VAPB: variants seen among roughly 807,000 people sequenced by gnomAD.
VAPB encodes the protein VAMP associated protein B and C.
VAPB carries 7 observed loss-of-function variants against 25.6 expected under a neutral mutation model. The observed-to-expected ratio is 0.27, with a 90% confidence interval of 0.16 to 0.51. The LOEUF (loss-of-function observed/expected upper bound fraction) is 0.51, where lower values mean the gene tolerates loss of function less well. VAPB is among the 20% of genes least tolerant of loss of function. The probability of loss-of-function intolerance (pLI) is 0.97; values close to 1 mark genes in which losing one functional copy is unlikely to be tolerated. For missense variants in VAPB, 266 were observed against 301.3 expected (o/e 0.88, Z 0.87); for synonymous variants, 112 against 109.2 (o/e 1.03, Z -0.16).
chr20:58,389,549 G>C, intron 1 of VAPB, 32 bp downstream of exon 1: 7 of 1,552,132 alleles, frequency 4.5e-6, no homozygotes, highest in Non-Finnish European at 6.1e-6. Flanking sequence ...CTTCCTGCCC[G>C]CGGCCTCCGC....
Position 58,389,328 on chromosome 20 carries a change from A to T in VAPB, c.-132A>T. On this transcript the variant is annotated 5_prime_UTR_variant, in exon 1 of 6. Transcript: ENST00000475243. ...CCCCCCCCCAGCGCGCCCACCCGGTAGAGGACCCCCGCCCGTGCCCCGACC... is the reference window on the plus strand; with the variant it reads ...CCCCCCCCCAGCGCGCCCACCCGGTTGAGGACCCCCGCCCGTGCCCCGACC... 2.3e-6 allele frequency: 1 copy of T among 433,024 alleles called. No homozygotes were observed. 26.8% of individuals were successfully genotyped at this position (433,024 alleles called of 1,614,324 possible).
chr20:58,405,374 C>G (rs1988201435), intron 1 of VAPB, among the ~76,000 whole-genome samples: 1 of 152,134 alleles, frequency 6.6e-6, no homozygotes, highest in Non-Finnish European at 1.5e-5. Context: ...AGGGCAGGAG[C>G]CTTGCCGGTA....
chr20:58,443,565 A>G (rs1202984934), intron 5 of VAPB, among the ~76,000 whole-genome samples: 1 of 151,902 alleles, frequency 6.6e-6, no homozygotes, highest in African/African-American at 2.4e-5. Context: ...AGGGATTACA[A>G]GCATGAGCCA....
chr20:58,442,332 T>G (rs552250124), intron 5 of VAPB, among the ~76,000 whole-genome samples: 2 of 152,252 alleles, frequency 1.3e-5, no homozygotes, highest in Non-Finnish European at 2.9e-5. Context: ...GCTAAAAATC[T>G]AAGCTATGCC....
chr20:58,432,806 G>T (rs1025315953), intron 2 of VAPB, among the ~76,000 whole-genome samples: 7 of 152,242 alleles, frequency 4.6e-5, no homozygotes, highest in African/African-American at 1.7e-4. Flanking sequence ...TCAAGCCCAG[G>T]TCGGTAAATG....
At chr20:58,403,731 A>G (rs1404757447) in intron 1 of VAPB, among the ~76,000 whole-genome samples, 3 of 152,124 alleles carry the variant, frequency 2.0e-5, no homozygotes, top group African/African-American at 7.2e-5. Flanking sequence ...CCAAATCTCT[A>G]TCTCCAAGCA....
intron 1 of VAPB, among the ~76,000 whole-genome samples, chr20:58,417,104 T>A (rs552149243): frequency 6.6e-6 from 1 of 152,344 alleles, no homozygotes; most frequent in East Asian, 1.9e-4. Flanking sequence ...AGTAAAGGAC[T>A]TGCCTAGAGG....
At chr20:58,411,799 C>CTCCA (rs1384423229) in intron 1 of VAPB, among the ~76,000 whole-genome samples, 1 of 152,212 alleles carries the variant, frequency 6.6e-6, no homozygotes, top group African/African-American at 2.4e-5. Flanking sequence ...CTGCCTCAGC[C>CTCCA]TCCAGAGTAG....
chr20:58,409,007 C>T (rs1043387955), intron 1 of VAPB, among the ~76,000 whole-genome samples: 2 of 150,146 alleles, frequency 1.3e-5, no homozygotes, highest in Non-Finnish European at 2.9e-5. Context: ...GCAGTAGTCT[C>T]AGTATTTATT....
At chr20:58,434,523 C>T (rs917808489) in intron 2 of VAPB, 79 bp from the exon 3 acceptor site, 2 of 793,244 alleles carry the variant, frequency 2.5e-6, no homozygotes, top group Non-Finnish European at 2.2e-6. Flanking sequence ...TGCTTTACAA[C>T]CAAAGTACAA....
At chr20:58,397,145 A>G (rs1287921457) in intron 1 of VAPB, among the ~76,000 whole-genome samples, 1 of 152,236 alleles carries the variant, frequency 6.6e-6, no homozygotes, top group Non-Finnish European at 1.5e-5. Flanking sequence ...GTTCAGACAG[A>G]TGACTCCAAA....
At chr20:58,417,368 T>C (rs1335570416) in intron 1 of VAPB, among the ~76,000 whole-genome samples, 1 of 152,248 alleles carries the variant, frequency 6.6e-6, no homozygotes, top group African/African-American at 2.4e-5. Flanking sequence ...TCTCCCATAT[T>C]GTTAATATTA....
Position 58,445,653 on chromosome 20 carries a change from C to T in VAPB, c.*1418C>T, listed in dbSNP as rs2123107758. 2.2e-6 allele frequency: 1 copy of T among 453,776 alleles called. No homozygotes were observed. Among genetic ancestry groups the T allele is most frequent in the East Asian group, 7.0e-5 (1 of 14,370 alleles). The allele number at this position is 453,776 out of a possible 1,614,324, so 28.1% of individuals were successfully genotyped here. On this transcript the variant is annotated 3_prime_UTR_variant, in exon 6 of 6. Coordinates refer to ENST00000475243, the MANE Select transcript of VAPB (RefSeq NM_004738.5). ...AGGTTAACTTTAAAATGAGCCCTAT[C>T]ACTGAGAAATACGTGTTTCATGATT... is the stretch of plus-strand genomic sequence containing the variant.
Position 58,436,484 on chromosome 20 carries a change from C to A in VAPB, c.315+1779C>A, listed in dbSNP as rs558301737. 9.2e-5 allele frequency among the ~76,000 whole-genome samples: 14 copies of A among 152,004 alleles called. No individual in the cohort carries two copies. In the East Asian group the frequency reaches 2.5e-3, roughly 27 times the overall value. ...AAGTAGCTGGGACCACAGGAGCGCACCACCATGCCTGGCTAATTTTTTTGT... is the reference window on the plus strand; with the variant it reads ...AAGTAGCTGGGACCACAGGAGCGCAACACCATGCCTGGCTAATTTTTTTGT... On this transcript the variant is annotated intron_variant, in intron 3 of 5. Coordinates refer to ENST00000475243, the MANE Select transcript of VAPB (RefSeq NM_004738.5).
In VAPB at chr20:58,449,560, C is replaced by T. The variant is rs564127180; in HGVS notation, c.*5325C>T. The stretch of plus-strand genomic sequence containing the variant: ...TTATCTAACTTGCCATAAATATTTG[C>T]AGTTATGATACCTTGGAATGTTGCC... On this transcript the variant is annotated 3_prime_UTR_variant, in exon 6 of 6. Transcript: ENST00000475243. 1.1e-5 allele frequency: 5 copies of T among 453,882 alleles called. No homozygotes were observed. The highest frequency in any genetic ancestry group is 8.0e-5 in the African/African-American group (4 of 49,960). 28.1% of individuals were successfully genotyped at this position (453,882 alleles called of 1,614,324 possible). A position where few individuals can be genotyped will look rare whatever the true frequency, so the allele number is the denominator to read the frequency against.
At chr20:58,420,647 T>A (rs1264082734) in intron 2 of VAPB, among the ~76,000 whole-genome samples, 1 of 152,214 alleles carries the variant, frequency 6.6e-6, no homozygotes, top group Non-Finnish European at 1.5e-5. Context: ...AGTAGTTGAA[T>A]AATAAAATGT....
chr20:58,410,061 A>G (rs1336778934), intron 1 of VAPB, among the ~76,000 whole-genome samples: 1 of 152,128 alleles, frequency 6.6e-6, no homozygotes, highest in Non-Finnish European at 1.5e-5. Context: ...TAAAAAAAAT[A>G]TAGTTTAGAA....
chr20:58,405,961 GTAGAGGAATA>G (rs1206207213), intron 1 of VAPB, among the ~76,000 whole-genome samples: 3 of 151,906 alleles, frequency 2.0e-5, no homozygotes, highest in African/African-American at 4.8e-5. Flanking sequence ...TAGATTAAAT[GTAGAGGAATA>G]TAGAGGAATG....
At chr20:58,424,583 T>C (rs569480543) in intron 2 of VAPB, among the ~76,000 whole-genome samples, 1 of 152,368 alleles carries the variant, frequency 6.6e-6, no homozygotes, top group South Asian at 2.1e-4. Context: ...GGGTATGTTG[T>C]ATTCCATTAT....
Sources: allele counts gnomAD v4.1 joint callset (sites outside exome capture counted in the v4.1 genomes callset), GRCh38; gene constraint gnomAD v4.1.1; transcripts MANE v1.5; gene names NCBI Gene and HGNC (gene_info 2026-07-23, HGNC 2026-07-21).